RBM38: variants seen among roughly 807,000 people sequenced by gnomAD.
RBM38 encodes RNA-binding protein 38.
RBM38 carries 11 observed loss-of-function variants against 23.5 expected under a neutral mutation model. The observed-to-expected ratio is 0.47, with a 90% CI of 0.29 to 0.77. RBM38 has a LOEUF of 0.77. Ranked by LOEUF, RBM38 falls within the 30% of genes least tolerant of loss-of-function variation. The probability of loss-of-function intolerance (pLI) is 0.08; values close to 1 mark genes in which losing one functional copy is unlikely to be tolerated. For synonymous variants in RBM38, 165 were observed against 166.1 expected (o/e 0.99, Z 0.05); for missense variants, 330 against 351.9 (o/e 0.94, Z 0.50).
intron 1 of RBM38, chr20:57,392,174 T>G (rs1048224267): frequency 3.4e-6 from 1 of 295,414 alleles, no homozygotes; most frequent in South Asian, 2.7e-5. Context: ...CACCCCGGGG[T>G]GTTAGGAGCT....
intron 3 of RBM38, among the ~76,000 whole-genome samples, chr20:57,395,637 TCCTGCCCCTG>T (rs1459794701): frequency 6.6e-6 from 1 of 152,076 alleles, no homozygotes; most frequent in Non-Finnish European, 1.5e-5. Flanking sequence ...TCGCGCCGCC[TCCTGCCCCTG>T]CCTGGGCCTT....
In RBM38 at chr20:57,407,726, C is replaced by T; in HGVS notation, c.600C>T (p.Ala200=). The change falls in exon 4 of 4, where the codon GCC becomes GCT. Residue 200 remains alanine (A), a synonymous_variant. Transcript: ENST00000356208. The surrounding 1 kb of genome is among the most constrained non-coding windows in gnomAD (Gnocchi z 4.0). ...YPYAASPATA[A]SFVGYSYPAA... is the part of the protein sequence containing the mutation. ...ACGCCGCCTCGCCTGCCACGGCTGCCAGCTTCGTGGGCTACAGCTACCCTG... is the reference window on the plus strand; with the variant it reads ...ACGCCGCCTCGCCTGCCACGGCTGCTAGCTTCGTGGGCTACAGCTACCCTG... The T allele has an allele frequency of 1.9e-6, 3 of 1,611,996 alleles. No individual in the cohort carries two copies. Among genetic ancestry groups the T allele is most frequent in the Non-Finnish European group, 2.5e-6 (3 of 1,179,690 alleles).
At chr20:57,392,884 G>A (rs2067235377) in intron 2 of RBM38, 107 bp downstream of exon 2, 25 of 1,456,370 alleles carry the variant, frequency 1.7e-5, no homozygotes, top group Non-Finnish European at 9.3e-7. Flanking sequence ...AGTGGCAGTC[G>A]GCTATCATGT....
intron 1 of RBM38, 126 bp downstream of exon 1, chr20:57,391,944 G>C (rs2067220667): frequency 2.0e-6 from 1 of 500,000 alleles, no homozygotes; most frequent in Non-Finnish European, 2.7e-6. Context: ...GCCTCCAGCC[G>C]GCGCCCGCAC....
intron 3 of RBM38, 80 bp downstream of exon 3, chr20:57,393,413 G>A (rs748363665): frequency 4.9e-6 from 7 of 1,434,910 alleles, no homozygotes; most frequent in Non-Finnish European, 6.9e-6. Flanking sequence ...GGGTCTGGAA[G>A]GCTGGGGAAA....
In RBM38 at chr20:57,399,067, AGCGAGGTGCT is replaced by A. The variant is rs1324362998; in HGVS notation, c.416+5736_416+5745del. Among the ~76,000 whole-genome samples the A allele has an allele frequency of 2.0e-5, 3 of 152,318 alleles. No individual in the cohort carries two copies. The East Asian group carries it at 5.8e-4, about 29-fold the overall frequency. On this transcript the variant is annotated intron_variant, in intron 3 of 3. Coordinates refer to ENST00000356208, the MANE Select transcript of RBM38 (RefSeq NM_017495.6). ...AGCTCCTAATCACAGTGCTTTCTGC[AGCGAGGTGCT>A]GAGAGGAGGACAGAGACAAAGGAGG...
In RBM38 at chr20:57,391,580, C is replaced by G; in HGVS notation, c.-2C>G. On this transcript the variant is annotated 5_prime_UTR_variant, in exon 1 of 4. Transcript: ENST00000356208. ...GGGTCCGTAGGCGGCGGGGCGCCCC[C>G]CATGCTGCTGCAGCCCGCGCCGTGC... The G allele has an allele frequency of 8.3e-7, 1 of 1,202,366 alleles. No homozygotes were observed. The highest frequency in any genetic ancestry group is 1.0e-6 in the Non-Finnish European group (1 of 958,368). The allele number at this position is 1,202,366 out of a possible 1,614,324, so 74.5% of individuals were successfully genotyped here.
intron 3 of RBM38, among the ~76,000 whole-genome samples, chr20:57,396,314 G>A (rs1455461691): frequency 6.6e-6 from 1 of 152,218 alleles, no homozygotes; most frequent in Non-Finnish European, 1.5e-5. Flanking sequence ...AGCAGGAGCC[G>A]GTGGCCGTGG....
At position 57,391,439 on chromosome 20, in the gene RBM38, G is replaced by GGTCGGGAGCGCAGCGCGGCGCAGC. The variant is rs1252432992; in HGVS notation, c.-143_-142insGTCGGGAGCGCAGCGCGGCGCAGC. 1 of 150,232 alleles carries GGTCGGGAGCGCAGCGCGGCGCAGC rather than the reference G, an allele frequency of 6.7e-6. No individual in the cohort carries two copies. Among genetic ancestry groups the GGTCGGGAGCGCAGCGCGGCGCAGC allele is most frequent in the African/African-American group, 2.4e-5 (1 of 40,890 alleles). The allele number at this position is 150,232 out of a possible 1,614,324, so 9.3% of individuals were successfully genotyped here. A position where few individuals can be genotyped will look rare whatever the true frequency, so the allele number is the denominator to read the frequency against. On this transcript the variant is annotated 5_prime_UTR_variant, in exon 1 of 4. Coordinates refer to ENST00000356208, the MANE Select transcript of RBM38 (RefSeq NM_017495.6). ...CGGTCGGGAGCGCAGCGCGGCGCAC[G>GGTCGGGAGCGCAGCGCGGCGCAGC]TCGGCGCGCACGGCGGGACGGGCGC... is the stretch of plus-strand genomic sequence containing the variant.
At position 57,407,089 on chromosome 20, in the gene RBM38, G is replaced by A. The variant is rs866326593; in HGVS notation, c.417-454G>A. The stretch of plus-strand genomic sequence containing the variant: ...AAGTGTGCAGTGTCACTTGGTGGGT[G>A]TTGAGTGTCAGGGAGATGAGCAGGG... On this transcript the variant is annotated intron_variant, in intron 3 of 3. Coordinates refer to ENST00000356208, the MANE Select transcript of RBM38 (RefSeq NM_017495.6). This position sits in a 1 kb window ranked among gnomAD's most constrained non-coding sequence, Gnocchi z 4.0. Among the ~76,000 whole-genome samples, 2 of 152,124 alleles carry A rather than the reference G, an allele frequency of 1.3e-5. No homozygotes were observed. Among genetic ancestry groups the A allele is most frequent in the South Asian group, 4.1e-4 (2 of 4,826 alleles).
chr20:57,398,030 T>A (rs1417467183), intron 3 of RBM38, among the ~76,000 whole-genome samples: 1 of 152,194 alleles, frequency 6.6e-6, no homozygotes, highest in East Asian at 1.9e-4. Context: ...TAGAAGATGA[T>A]GCAGCGTGCT....
rs1018552521 is a variant in RBM38, at chr20:57,408,382, G to A, written c.*536G>A. 1 of 157,592 alleles carries A rather than the reference G, an allele frequency of 6.3e-6. No individual in the cohort carries two copies. Among genetic ancestry groups the A allele is most frequent in the Non-Finnish European group, 1.4e-5 (1 of 70,868 alleles). The allele number at this position is 157,592 out of a possible 1,614,324, so 9.8% of individuals were successfully genotyped here. A position where few individuals can be genotyped will look rare whatever the true frequency, so the allele number is the denominator to read the frequency against. On this transcript the variant is annotated 3_prime_UTR_variant, in exon 4 of 4. Transcript: ENST00000356208. The stretch of plus-strand genomic sequence containing the variant: ...TTGGAGTCCCATTTTCTCCATCAGG[G>A]CACGTGGGCGGCTTCCTCAAGCCCG...
chr20:57,394,423 G>A (rs889863246), intron 3 of RBM38, among the ~76,000 whole-genome samples: 15 of 152,152 alleles, frequency 9.9e-5, no homozygotes, highest in Admixed American at 4.6e-4. Flanking sequence ...GGGGTGACTC[G>A]GGGGCTCCCT....
At chr20:57,402,939 G>A (rs985816384) in intron 3 of RBM38, among the ~76,000 whole-genome samples, 2 of 152,226 alleles carry the variant, frequency 1.3e-5, no homozygotes, top group Admixed American at 6.5e-5. Context: ...TCCCCATGTG[G>A]TTTCTGATGG....
intron 3 of RBM38, among the ~76,000 whole-genome samples, chr20:57,403,385 C>T (rs1434621119): frequency 1.3e-5 from 2 of 152,198 alleles, no homozygotes; most frequent in African/African-American, 2.4e-5. Flanking sequence ...TTCGTGGCTG[C>T]TTCTACCTTA....
intron 3 of RBM38, among the ~76,000 whole-genome samples, chr20:57,406,119 C>A (rs1217840647): frequency 6.6e-6 from 1 of 152,194 alleles, no homozygotes; most frequent in Non-Finnish European, 1.5e-5. Context: ...CAGTGCCGTG[C>A]CCTGGAAGAC....
At chr20:57,392,340 A>T in intron 1 of RBM38, 1 of 1,233,970 alleles carries the variant, frequency 8.1e-7, no homozygotes, top group East Asian at 3.1e-5. Context: ...ACTGGTGGGC[A>T]AGTCCAGGCG....
rs1037077289 is a variant in RBM38 at position 57,408,637 on chromosome 20, G to A, written c.*791G>A. On this transcript the variant is annotated 3_prime_UTR_variant, in exon 4 of 4. Transcript: ENST00000356208. ...TGTTGGTTCCGCCCGTGGAGACGACGATAGTGTTTCTGTATAATAAAGTGT... is the reference window on the plus strand; with the variant it reads ...TGTTGGTTCCGCCCGTGGAGACGACAATAGTGTTTCTGTATAATAAAGTGT... 23 of 152,008 alleles carry A rather than the reference G, an allele frequency of 1.5e-4. No homozygotes were observed. Among genetic ancestry groups the A allele is most frequent in the African/African-American group, 4.6e-4 (19 of 41,374 alleles). The allele number at this position is 152,008 out of a possible 1,614,324, so 9.4% of individuals were successfully genotyped here. A position where few individuals can be genotyped will look rare whatever the true frequency, so the allele number is the denominator to read the frequency against.
intron 3 of RBM38, among the ~76,000 whole-genome samples, chr20:57,398,114 T>A (rs2067292839): frequency 6.6e-6 from 1 of 152,208 alleles, no homozygotes; most frequent in Admixed American, 6.5e-5. Flanking sequence ...TTAGTTACTC[T>A]GATGTGCCCT....
Sources: gnomAD v4.1 joint callset for allele counts (sites outside exome capture counted in the v4.1 genomes callset) on GRCh38, gnomAD v4.1.1 for gene constraint, Gnocchi (gnomAD v3.1) non-coding constraint, MANE v1.5 for transcripts, NCBI Gene and HGNC (gene_info 2026-07-23, HGNC 2026-07-21) for gene names.